Variants in PKHD1 observed in about 807,000 individuals in gnomAD.
PKHD1 encodes PKHD1 ciliary IPT domain containing fibrocystin/polyductin, also known as fibrocystin.
PKHD1 carries 291 observed loss-of-function variants against 412.0 expected under a neutral mutation model. That is an observed-to-expected ratio of 0.71 (90% CI 0.64 to 0.78). PKHD1 has a LOEUF of 0.78. Ranked by LOEUF, PKHD1 falls within the 30% of genes least tolerant of loss-of-function variation. The pLI is 0.00. For synonymous variants in PKHD1, 1,777 were observed against 1,821.5 expected (o/e 0.98, Z 0.62); for missense variants, 4,825 against 4,950.7 (o/e 0.97, Z 0.76).
rs113171417 is a variant in PKHD1, at chr6:51,780,777, G to A, written c.8441-4856C>T. Among the ~76,000 whole-genome samples, 1,003 of 152,150 alleles carry A rather than the reference G, an allele frequency of 6.6e-3. 14 individuals carry two copies. Among genetic ancestry groups the A allele is most frequent in the African/African-American group, 0.023 (965 of 41,526 alleles). Reference sequence around the variant, plus strand: ...AAAATATGTTAAATGACTATGTTCCGAGAATACTCTTCAATGAGTTTTGTT... The same window carrying A: ...AAAATATGTTAAATGACTATGTTCCAAGAATACTCTTCAATGAGTTTTGTT... On this transcript the variant is annotated intron_variant, in intron 53 of 66. Transcript: ENST00000371117.
chr6:52,021,563 T>A (rs530675646), intron 33 of PKHD1, among the ~76,000 whole-genome samples: 104 of 152,324 alleles, frequency 6.8e-4, no homozygotes, highest in African/African-American at 2.2e-3. Flanking sequence ...TCTGCAACAC[T>A]GTTCCTAGCA....
rs777350382 is a variant in PKHD1 at position 52,058,476 on chromosome 6, G to A, written c.1359C>T (p.Tyr453=). Residue 453 remains tyrosine (Y), a synonymous_variant, in exon 16 of 67, where the codon TAC becomes TAT. Coordinates refer to ENST00000371117, the MANE Select transcript of PKHD1 (RefSeq NM_138694.4). ...KLELLGGAMY[Y]LEAEHHGIAP... is the part of the protein sequence containing the mutation. Reference sequence around the variant, plus strand: ...CTATCCCATGATGCTCTGCTTCCAGGTAGTACATGGCTCCACCCAACAGCT... The same window carrying A: ...CTATCCCATGATGCTCTGCTTCCAGATAGTACATGGCTCCACCCAACAGCT... 11 of 1,614,072 alleles carry A rather than the reference G, an allele frequency of 6.8e-6. No homozygotes were observed. In the African/African-American group the frequency reaches 1.5e-4, roughly 22 times the overall value.
At chr6:51,821,517 C>T (rs1334875565) in intron 52 of PKHD1, among the ~76,000 whole-genome samples, 1 of 152,152 alleles carries the variant, frequency 6.6e-6, no homozygotes, top group Non-Finnish European at 1.5e-5. Context: ...AGGAATTAAC[C>T]AATTAGCTCT....
chr6:52,084,299 C>G (rs890514173), intron 2 of PKHD1, among the ~76,000 whole-genome samples: 3 of 152,232 alleles, frequency 2.0e-5, no homozygotes, highest in Admixed American at 2.0e-4. Flanking sequence ...ATTAGCACAA[C>G]CATTTATGGC....
chr6:51,744,339 A>T, intron 60 of PKHD1, 46 bp downstream of exon 60: 2 of 1,561,646 alleles, frequency 1.3e-6, no homozygotes, highest in African/African-American at 2.7e-5. Flanking sequence ...CTCCTTCACA[A>T]GCACCCTTGC....
At chr6:51,927,078 A>G (rs1277639965) in intron 37 of PKHD1, among the ~76,000 whole-genome samples, 1 of 152,174 alleles carries the variant, frequency 6.6e-6, no homozygotes, top group African/African-American at 2.4e-5. Flanking sequence ...GAGTAGAAAA[A>G]GGAATAAATA....
chr6:51,902,141 C>T (rs1311771357), intron 43 of PKHD1, among the ~76,000 whole-genome samples: 1 of 152,136 alleles, frequency 6.6e-6, no homozygotes, highest in African/African-American at 2.4e-5. Flanking sequence ...TACTTTCCTC[C>T]AGGCATTTGA....
At chr6:51,897,700 T>C (rs1228475425) in intron 43 of PKHD1, among the ~76,000 whole-genome samples, 1 of 145,714 alleles carries the variant, frequency 6.9e-6, no homozygotes, top group Non-Finnish European at 1.5e-5. Flanking sequence ...AATGCTCCAA[T>C]TAAAAGACAC....
At chr6:52,001,737 T>A (rs1798424311) in intron 35 of PKHD1, among the ~76,000 whole-genome samples, 1 of 152,090 alleles carries the variant, frequency 6.6e-6, no homozygotes, top group African/African-American at 2.4e-5. Flanking sequence ...AGCCTCCTTC[T>A]TTTTTAAAAA....
chr6:51,925,887 T>G (rs891488992), intron 37 of PKHD1, among the ~76,000 whole-genome samples: 1 of 151,978 alleles, frequency 6.6e-6, no homozygotes, highest in Non-Finnish European at 1.5e-5. Flanking sequence ...TCCTGAGGCT[T>G]TTGCTCAAGT....
chr6:51,770,289 T>A (rs1343972656), intron 55 of PKHD1, among the ~76,000 whole-genome samples: 1 of 151,878 alleles, frequency 6.6e-6, no homozygotes, highest in East Asian at 1.9e-4. Flanking sequence ...TTTGCTATGA[T>A]TGAAGGCTTT....
chr6:51,893,297 C>T (rs1473003017), intron 43 of PKHD1, among the ~76,000 whole-genome samples: 1 of 152,204 alleles, frequency 6.6e-6, no homozygotes, highest in Non-Finnish European at 1.5e-5. Flanking sequence ...AGCACAGATG[C>T]TCAGAAAGCA....
intron 60 of PKHD1, among the ~76,000 whole-genome samples, chr6:51,662,606 A>G (rs560095051): frequency 6.6e-6 from 1 of 152,054 alleles, no homozygotes; most frequent in Non-Finnish European, 1.5e-5. Context: ...AATGAAGTAG[A>G]AAAGAAACAA....
intron 66 of PKHD1, among the ~76,000 whole-genome samples, chr6:51,626,193 AT>A (rs575918845): frequency 2.0e-4 from 30 of 152,252 alleles, no homozygotes; most frequent in African/African-American, 7.0e-4. Flanking sequence ...TTGGACTGCT[AT>A]TTTTTGCTTA....
At chr6:51,847,205 C>T (rs1359193517) in intron 50 of PKHD1, among the ~76,000 whole-genome samples, 2 of 151,986 alleles carry the variant, frequency 1.3e-5, no homozygotes, top group South Asian at 4.2e-4. Flanking sequence ...AACTGATCCT[C>T]CCACCTTAGC....
At chr6:51,981,967 G>A (rs1371665780) in intron 35 of PKHD1, among the ~76,000 whole-genome samples, 1 of 77,602 alleles carries the variant, frequency 1.3e-5, no homozygotes, top group Non-Finnish European at 3.3e-5. Context: ...CCTCTGCCCC[G>A]CCGCCCTGTC....
At chr6:51,918,186 T>TAG (rs981317252) in intron 37 of PKHD1, among the ~76,000 whole-genome samples, 70 of 151,718 alleles carry the variant, frequency 4.6e-4, no homozygotes, top group African/African-American at 1.5e-3. Context: ...TATATACATA[T>TAG]ATATATTCAT....
At chr6:52,005,219 G>C (rs756852813) in intron 35 of PKHD1, among the ~76,000 whole-genome samples, 23 of 152,112 alleles carry the variant, frequency 1.5e-4, no homozygotes, top group Non-Finnish European at 3.1e-4. Flanking sequence ...TCACCTAGCT[G>C]AGATGCTTCT....
In PKHD1 at chr6:52,082,519, G is replaced by T. The variant is rs750245891; in HGVS notation, c.154C>A (p.Pro52Thr). 6.2e-7 allele frequency: 1 copy of T among 1,614,022 alleles called. No individual in the cohort carries two copies. Among genetic ancestry groups the T allele is most frequent in the South Asian group, 1.1e-5 (1 of 91,074 alleles). The part of the protein sequence containing the change: ...FDGLELGVLY[P>T]NNGSQLEIHL... ...ATCTCCAATTGAGAGCCATTGTTGG[G>T]GTAAAGAACACCCAACTCCAAACCT... The change falls in exon 4 of 67, where the codon CCC (proline) becomes ACC (threonine). Residue 52 changes from proline (P) to threonine (T), a missense_variant. Pro to Thr is a conservative substitution (Grantham distance 38). Transcript: ENST00000371117.
Sources: gnomAD v4.1 joint callset for allele counts (sites outside exome capture counted in the v4.1 genomes callset) on GRCh38, gnomAD v4.1.1 for gene constraint, MANE v1.5 for transcripts, NCBI Gene and HGNC (gene_info 2026-07-23, HGNC 2026-07-21) for gene names.